RAB33A: variants seen among roughly 807,000 people sequenced by gnomAD.
RAB33A encodes ras-related protein Rab-33A.
In RAB33A, 6 loss-of-function variants were observed where a neutral mutation model predicts 12.0. That is an observed-to-expected ratio of 0.50 (90% CI 0.27 to 0.99). The LOEUF (loss-of-function observed/expected upper bound fraction) is 0.99, where lower values mean the gene tolerates loss of function less well. RAB33A is among the 50% of genes least tolerant of loss of function. The pLI, the probability that RAB33A is intolerant of heterozygous loss-of-function variation, is 0.11. For synonymous variants in RAB33A, 70 were observed against 82.4 expected, an observed-to-expected ratio of 0.85 and a Z score of 0.81; for missense variants, 109 against 192.0, an observed-to-expected ratio of 0.57 and a Z score of 2.55.
chrX:130,121,238 TTTTC>T, the RAB33A span, among the ~76,000 whole-genome samples: 1 of 108,547 alleles, frequency 9.2e-6, no homozygotes, highest in African/African-American at 3.4e-5. Flanking sequence ...CCTTTCTTTT[TTTTC>T]TTTTCTTTTC....
At chrX:130,174,769 TGCCTG>T in intron 1 of RAB33A, among the ~76,000 whole-genome samples, 1 of 111,237 alleles carries the variant, frequency 9.0e-6, no homozygotes, top group South Asian at 3.8e-4. Flanking sequence ...CTGGGCTGCC[TGCCTG>T]TGTCCCGGGG....
the RAB33A span, among the ~76,000 whole-genome samples, chrX:130,135,439 T>TTTAAA: frequency 6.8e-3 from 494 of 72,951 alleles, 4 homozygotes; most frequent in African/African-American, 0.024. Flanking sequence ...TTTTTTTTTT[T>TTTAAA]AAAAAAAAAA....
At chrX:130,183,177 G>A (rs1168978125) in intron 1 of RAB33A, among the ~76,000 whole-genome samples, 8 of 108,115 alleles carry the variant, frequency 7.4e-5, no homozygotes, top group Non-Finnish European at 1.5e-4. Context: ...CAAAGTGCTG[G>A]GATTACAGGC....
chrX:130,161,977 T>C, the RAB33A span, among the ~76,000 whole-genome samples: 34 of 112,068 alleles, frequency 3.0e-4, no homozygotes, highest in African/African-American at 1.0e-3. Flanking sequence ...GTAATAACTA[T>C]AGTACAGCGT....
At chrX:130,169,951 G>C (rs1255480144), upstream of RAB33A, among the ~76,000 whole-genome samples, 1 of 111,930 alleles carries the variant, frequency 8.9e-6, no homozygotes, top group Non-Finnish European at 1.9e-5. Context: ...AGAGGGGAAC[G>C]ATCCAGCAAA....
At chrX:130,126,300 T>C in the RAB33A span, among the ~76,000 whole-genome samples, 2 of 111,220 alleles carry the variant, frequency 1.8e-5, no homozygotes, top group Admixed American at 9.6e-5. Flanking sequence ...GAGACCAGCC[T>C]GGCCAACGTG....
At chrX:130,180,611 C>T (rs371231500) in intron 1 of RAB33A, among the ~76,000 whole-genome samples, 329 of 108,679 alleles carry the variant, frequency 3.0e-3, no homozygotes, top group African/African-American at 0.01. Flanking sequence ...CCTGCCACCA[C>T]ACCCAGCTAA....
chrX:130,142,491 G>A, the RAB33A span, among the ~76,000 whole-genome samples: 5 of 111,128 alleles, frequency 4.5e-5, no homozygotes, highest in Non-Finnish European at 7.5e-5. Context: ...CACCACCCCC[G>A]TCCAGCCTAT....
the RAB33A span, among the ~76,000 whole-genome samples, chrX:130,112,837 G>A: frequency 2.2e-4 from 24 of 110,776 alleles, no homozygotes; most frequent in Middle Eastern, 9.1e-3. Context: ...CTGCACTCCA[G>A]CCTGGATGAC....
chrX:130,138,995 G>C, the RAB33A span, among the ~76,000 whole-genome samples: 1 of 111,178 alleles, frequency 9.0e-6, no homozygotes, highest in Non-Finnish European at 1.9e-5. Context: ...CCAGCATTTA[G>C]TGTGCAGAGG....
At chrX:130,155,247 A>G in the RAB33A span, 1 of 1,210,151 alleles carries the variant, frequency 8.3e-7, no homozygotes, top group Non-Finnish European at 1.1e-6. Context: ...TGTAGATGCT[A>G]GTGATCTAGA....
At chrX:130,150,382 C>G in the RAB33A span, among the ~76,000 whole-genome samples, 1 of 79,848 alleles carries the variant, frequency 1.3e-5, no homozygotes, top group African/African-American at 5.2e-5. Context: ...GTTGCCCAGG[C>G]TGGAGTGCAG....
chrX:130,154,638 G>A, the RAB33A span, among the ~76,000 whole-genome samples: 1 of 112,122 alleles, frequency 8.9e-6, no homozygotes, highest in Non-Finnish European at 1.9e-5. Flanking sequence ...AAAGGTGGAT[G>A]GGGAGAATAT....
the RAB33A span, chrX:130,129,749 T>G: frequency 1.3e-6 from 1 of 784,305 alleles, no homozygotes; most frequent in Non-Finnish European, 1.9e-6. Flanking sequence ...GTGGGAACAG[T>G]TCTCTACTAA....
the RAB33A span, among the ~76,000 whole-genome samples, chrX:130,153,664 A>AT: frequency 2.1e-3 from 228 of 111,002 alleles, 1 homozygote; most frequent in Admixed American, 1.5e-3. Context: ...GCTGGAGCTC[A>AT]TACAGGAAGG....
At chrX:130,110,705 G>A in the RAB33A span, 1 of 106,792 alleles carries the variant, frequency 9.4e-6, no homozygotes, top group Non-Finnish European at 1.9e-5. Flanking sequence ...TGGAGGGAGA[G>A]ATGCAAATAC....
chrX:130,166,019 G>A, the RAB33A span: 3 of 268,971 alleles, frequency 1.1e-5, no homozygotes, highest in Non-Finnish European at 2.0e-5. Context: ...TAAGGAACCT[G>A]TTCAAGGAGG....
chrX:130,127,547 C>T, the RAB33A span, among the ~76,000 whole-genome samples: 1 of 110,545 alleles, frequency 9.0e-6, no homozygotes, highest in Non-Finnish European at 1.9e-5. Context: ...AAACTGTATA[C>T]AACACTAAAG....
the RAB33A span, among the ~76,000 whole-genome samples, chrX:130,120,425 T>C: frequency 1.8e-5 from 2 of 110,940 alleles, no homozygotes; most frequent in African/African-American, 6.6e-5. Context: ...CTAAGTCTCA[T>C]GGGAGCCAGG....
Sources: allele counts gnomAD v4.1 joint callset (sites outside exome capture counted in the v4.1 genomes callset), GRCh38; gene constraint gnomAD v4.1.1; transcripts MANE v1.5; gene names NCBI Gene and HGNC (gene_info 2026-07-23, HGNC 2026-07-21).